ZBTB7C: variants seen among roughly 807,000 people sequenced by gnomAD.
ZBTB7C encodes the protein zinc finger and BTB domain containing 7C.
In ZBTB7C, 8 loss-of-function variants were observed where a neutral mutation model predicts 25.7. The ratio of observed to expected loss-of-function variants is 0.31; its 90% CI spans 0.18 to 0.56. The LOEUF (loss-of-function observed/expected upper bound fraction) is 0.56, where lower values mean the gene tolerates loss of function less well. Ranked by LOEUF, ZBTB7C falls within the 20% of genes least tolerant of loss-of-function variation. ZBTB7C has a pLI of 0.91. For missense variants in ZBTB7C, 824 were observed against 855.2 expected (o/e 0.96, Z 0.46); for synonymous variants, 394 against 369.0 (o/e 1.07, Z -0.78).
At chr18:48,270,042 C>T (rs1311269926) in intron 2 of ZBTB7C, among the ~76,000 whole-genome samples, 1 of 151,880 alleles carries the variant, frequency 6.6e-6, no homozygotes, top group Non-Finnish European at 1.5e-5. Context: ...ATAATAATGA[C>T]AAGATAACTG....
chr18:48,348,431 C>G (rs544718088), intron 1 of ZBTB7C, among the ~76,000 whole-genome samples: 1 of 152,368 alleles, frequency 6.6e-6, no homozygotes, highest in East Asian at 1.9e-4. Context: ...TTCACTGCCA[C>G]ACTTCCCTGC....
chr18:48,049,363 T>G (rs193291970), intron 3 of ZBTB7C, among the ~76,000 whole-genome samples: 175 of 152,326 alleles, frequency 1.1e-3, no homozygotes, highest in African/African-American at 4.0e-3. Context: ...TGAGTCAGCC[T>G]GAGGTTCCAG....
At chr18:48,211,483 A>G (rs2042701493) in intron 2 of ZBTB7C, among the ~76,000 whole-genome samples, 1 of 152,210 alleles carries the variant, frequency 6.6e-6, no homozygotes, top group Non-Finnish European at 1.5e-5. Flanking sequence ...AACTCTTAAA[A>G]CTCAAACTAA....
rs140699441 is a variant in ZBTB7C at position 48,268,958 on chromosome 18, C to CTTT, written c.-79+69213_-79+69215dup. 7.9e-4 allele frequency among the ~76,000 whole-genome samples: 94 copies of CTTT among 118,980 alleles called. 2 individuals are homozygous for CTTT. The highest frequency in any genetic ancestry group is 2.1e-3 in the African/African-American group (66 of 31,356). 78.1% of individuals were successfully genotyped at this position (118,980 alleles called of 152,430 possible). ...TGTCTAGTAAGGGCTTGCTCTGTTT[C>CTTT]TTTTTTTTTTTTTTTTTTTTGAGAC... On this transcript the variant is annotated intron_variant, in intron 2 of 4. Coordinates refer to ENST00000590800, the MANE Select transcript of ZBTB7C (RefSeq NM_001318841.2).
At chr18:48,235,849 G>A (rs2043365551) in intron 2 of ZBTB7C, among the ~76,000 whole-genome samples, 1 of 152,134 alleles carries the variant, frequency 6.6e-6, no homozygotes, top group African/African-American at 2.4e-5. Context: ...CTCCCTGGCT[G>A]ATTTAATACC....
chr18:48,094,729 C>T (rs2038550443), intron 3 of ZBTB7C, among the ~76,000 whole-genome samples: 1 of 152,064 alleles, frequency 6.6e-6, no homozygotes, highest in Admixed American at 6.5e-5. Flanking sequence ...CAAGGTTTTA[C>T]TGCATTTTCA....
rs1489603712 is a variant in ZBTB7C, at chr18:48,215,579, G to A, written c.-78-29584C>T. ...AGTTAAGTTATTATTTTAAAACCTG[G>A]AATCAATAGAAAGGAGTGTCTGGGT... is the stretch of plus-strand genomic sequence containing the variant. On this transcript the variant is annotated intron_variant, in intron 2 of 4. Coordinates refer to ENST00000590800, the MANE Select transcript of ZBTB7C (RefSeq NM_001318841.2). 3.9e-5 allele frequency among the ~76,000 whole-genome samples: 6 copies of A among 152,190 alleles called. No homozygotes were observed. In the East Asian group the frequency reaches 7.7e-4, roughly 20 times the overall value.
intron 2 of ZBTB7C, among the ~76,000 whole-genome samples, chr18:48,255,608 T>C (rs1030478102): frequency 4.6e-5 from 7 of 152,204 alleles, no homozygotes; most frequent in Non-Finnish European, 1.0e-4. Context: ...GAAAGTCCTA[T>C]CTGCTTTAAT....
intron 1 of ZBTB7C, among the ~76,000 whole-genome samples, chr18:48,371,597 G>A (rs1388825183): frequency 6.6e-6 from 1 of 152,198 alleles, no homozygotes; most frequent in East Asian, 1.9e-4. Context: ...AGTGGGAGCT[G>A]GGCAGGAGGA....
intron 2 of ZBTB7C, among the ~76,000 whole-genome samples, chr18:48,243,913 A>G (rs888731594): frequency 1.3e-5 from 2 of 152,230 alleles, no homozygotes; most frequent in African/African-American, 4.8e-5. Flanking sequence ...AAACAAAAAC[A>G]TAAAGTAGGA....
intron 3 of ZBTB7C, among the ~76,000 whole-genome samples, chr18:48,063,107 A>G (rs1168314217): frequency 6.6e-6 from 1 of 152,234 alleles, no homozygotes; most frequent in Non-Finnish European, 1.5e-5. Flanking sequence ...AGGTGAGACC[A>G]ACATGTCTTG....
chr18:48,155,821 G>C (rs1000225630), intron 3 of ZBTB7C, among the ~76,000 whole-genome samples: 2 of 152,114 alleles, frequency 1.3e-5, no homozygotes, highest in African/African-American at 2.4e-5. Flanking sequence ...AACCAATCTA[G>C]GGTTAGACTA....
chr18:48,205,767 T>C (rs2042562845), intron 2 of ZBTB7C, among the ~76,000 whole-genome samples: 1 of 151,942 alleles, frequency 6.6e-6, no homozygotes, highest in Admixed American at 6.5e-5. Flanking sequence ...ACTAGGTCAA[T>C]ACAATTACTT....
intron 2 of ZBTB7C, among the ~76,000 whole-genome samples, chr18:48,298,137 A>G (rs8093214): frequency 0.57 from 86,142 of 151,916 alleles, 25,321 homozygotes; most frequent in African/African-American, 0.68. Context: ...AAAATTAGCC[A>G]GACATGGTGA....
At chr18:48,329,102 A>C (rs144709346) in intron 2 of ZBTB7C, among the ~76,000 whole-genome samples, 1 of 152,370 alleles carries the variant, frequency 6.6e-6, no homozygotes, top group East Asian at 1.9e-4. Context: ...ACACAGGGTC[A>C]GAGAAGGCTT....
chr18:48,399,621 G>C (rs1006745263), intron 1 of ZBTB7C, among the ~76,000 whole-genome samples: 1 of 152,198 alleles, frequency 6.6e-6, no homozygotes, highest in Non-Finnish European at 1.5e-5. Flanking sequence ...CCTGGGCCTC[G>C]TCTGAAGCAG....
At chr18:48,398,783 C>T (rs1205333269) in intron 1 of ZBTB7C, among the ~76,000 whole-genome samples, 1 of 152,136 alleles carries the variant, frequency 6.6e-6, no homozygotes, top group Non-Finnish European at 1.5e-5. Context: ...GCTCAGGAAA[C>T]ACTGATTTCA....
rs1377107133 is a variant in ZBTB7C at position 48,029,356 on chromosome 18, G to A, written c.1764C>T (p.Tyr588=). The A allele has an allele frequency of 6.5e-7, 1 of 1,545,542 alleles. No homozygotes were observed. Among genetic ancestry groups the A allele is most frequent in the East Asian group, 2.4e-5 (1 of 41,152 alleles). The change falls in exon 5 of 5, where the codon TAC becomes TAT. Residue 588 remains tyrosine (Y), a synonymous_variant. Transcript: ENST00000590800. ...LAENVAAARP[Y]FPLPDPWAAG... The stretch of plus-strand genomic sequence containing the variant: ...CGGCCCAAGGGTCGGGCAGCGGGAA[G>A]TAGGGCCGCGCCGCCGCCACGTTCT...
chr18:48,044,455 G>A (rs1292569144), intron 3 of ZBTB7C, among the ~76,000 whole-genome samples: 13 of 152,352 alleles, frequency 8.5e-5, no homozygotes, highest in East Asian at 1.9e-4. Flanking sequence ...GGCAGCCTGC[G>A]TGGTTGCATG....
Sources: gnomAD v4.1 joint callset for allele counts (sites outside exome capture counted in the v4.1 genomes callset) on GRCh38, gnomAD v4.1.1 for gene constraint, MANE v1.5 for transcripts, NCBI Gene and HGNC (gene_info 2026-07-23, HGNC 2026-07-21) for gene names.